The following DIAPH3 variants were observed in gnomAD, a reference collection of about 807,000 sequenced individuals.
The protein encoded by DIAPH3 is protein diaphanous homolog 3.
DIAPH3 carries 117 observed loss-of-function variants against 144.3 expected under a neutral mutation model. The ratio of observed to expected loss-of-function variants is 0.81; its 90% CI spans 0.70 to 0.95. The LOEUF is 0.95. DIAPH3 is among the 40% of genes least tolerant of loss of function. The probability of loss-of-function intolerance (pLI) is 0.00; values close to 1 mark genes in which losing one functional copy is unlikely to be tolerated. For missense variants in DIAPH3, 1,421 were observed against 1,412.7 expected, an observed-to-expected ratio of 1.01 and a Z score of -0.09; for synonymous variants, 519 against 488.9, an observed-to-expected ratio of 1.06 and a Z score of -0.81.
intron 20 of DIAPH3, among the ~76,000 whole-genome samples, chr13:59,910,868 C>T (rs901609039): frequency 1.1e-4 from 16 of 146,690 alleles, no homozygotes; most frequent in East Asian, 8.0e-4. Context: ...GAGTAGAATG[C>T]GTTTATGAAG....
At chr13:59,846,056 T>A (rs1349876726) in intron 22 of DIAPH3, among the ~76,000 whole-genome samples, 1 of 152,202 alleles carries the variant, frequency 6.6e-6, no homozygotes, top group Admixed American at 6.5e-5. Context: ...AAGTGTCTTA[T>A]TATTATGATA....
intron 1 of DIAPH3, among the ~76,000 whole-genome samples, chr13:60,159,276 A>C (rs1952174434): frequency 6.6e-6 from 1 of 152,200 alleles, no homozygotes; most frequent in Non-Finnish European, 1.5e-5. Context: ...GAAAAGAAGC[A>C]GTAAAGATTA....
At chr13:59,910,917 C>A (rs2046967610) in intron 20 of DIAPH3, among the ~76,000 whole-genome samples, 4 of 150,678 alleles carry the variant, frequency 2.7e-5, no homozygotes, top group South Asian at 2.1e-4. Flanking sequence ...CTACAACATG[C>A]CAAAATATGA....
intron 5 of DIAPH3, among the ~76,000 whole-genome samples, chr13:60,036,868 G>A (rs1300306159): frequency 6.6e-6 from 1 of 151,760 alleles, no homozygotes; most frequent in Non-Finnish European, 1.5e-5. Flanking sequence ...AGAGCAAGAT[G>A]GTCTAACATA....
chr13:59,687,395 T>C (rs2033273594), intron 27 of DIAPH3, among the ~76,000 whole-genome samples: 1 of 151,950 alleles, frequency 6.6e-6, no homozygotes, highest in African/African-American at 2.4e-5. Context: ...TAAGAGGGAA[T>C]TATAGCTGAT....
chr13:59,899,575 GAAATACCA>G (rs2046320494), intron 20 of DIAPH3, among the ~76,000 whole-genome samples: 1 of 152,170 alleles, frequency 6.6e-6, no homozygotes, highest in Admixed American at 6.5e-5. Context: ...GATGAGGTAA[GAAATACCA>G]AGGCAGGGAC....
At chr13:60,138,754 GGAAGGA>G (rs71773510) in intron 1 of DIAPH3, among the ~76,000 whole-genome samples, 8,237 of 121,412 alleles carry the variant, frequency 0.068, 1,028 homozygotes, top group African/African-American at 0.21. Flanking sequence ...CTAACAGGAA[GGAAGGA>G]GAAGGAGAAG....
intron 17 of DIAPH3, among the ~76,000 whole-genome samples, chr13:59,956,362 T>G (rs1047404141): frequency 6.6e-6 from 1 of 152,162 alleles, no homozygotes; most frequent in African/African-American, 2.4e-5. Flanking sequence ...TGGTGCCCTG[T>G]GTCCCAGCTG....
chr13:59,868,567 G>A (rs913709014), intron 21 of DIAPH3, among the ~76,000 whole-genome samples: 4 of 152,046 alleles, frequency 2.6e-5, no homozygotes, highest in South Asian at 2.1e-4. Context: ...GTATTGACAC[G>A]TTATTGTTAA....
chr13:59,677,167 T>C (rs555326363), intron 27 of DIAPH3, among the ~76,000 whole-genome samples: 2 of 152,240 alleles, frequency 1.3e-5, no homozygotes, highest in South Asian at 4.1e-4. Flanking sequence ...AAGCATGGCA[T>C]GATTTTATTA....
At chr13:59,745,027 C>T (rs1010764355) in intron 27 of DIAPH3, among the ~76,000 whole-genome samples, 1 of 152,138 alleles carries the variant, frequency 6.6e-6, no homozygotes, top group East Asian at 1.9e-4. Context: ...AGACTTGGAA[C>T]CTTTTTTGTT....
Position 59,969,993 on chromosome 13 carries a change from G to A in DIAPH3, c.2025C>T (p.Asn675=), listed in dbSNP as rs757167062. ...TCTCAAGTTTACAAAGCAAATCCACGTTTTCATACTTATTTTCATTTACTT... is the reference window on the plus strand; with the variant it reads ...TCTCAAGTTTACAAAGCAAATCCACATTTTCATACTTATTTTCATTTACTT... ...WIKVNENKYE[N]VDLLCKLENT... The change falls in exon 17 of 28, where the codon AAC becomes AAT. Residue 675 remains asparagine, a synonymous_variant. Coordinates refer to ENST00000400324, the MANE Select transcript of DIAPH3 (RefSeq NM_001042517.2). 13 of 1,608,808 alleles carry A rather than the reference G, an allele frequency of 8.1e-6. No homozygotes were observed. Among genetic ancestry groups the A allele is most frequent in the East Asian group, 6.7e-5 (3 of 44,458 alleles).
chr13:59,733,067 C>T (rs926572723), intron 27 of DIAPH3, among the ~76,000 whole-genome samples: 9 of 151,912 alleles, frequency 5.9e-5, no homozygotes, highest in African/African-American at 1.9e-4. Flanking sequence ...TAAAAAAGTT[C>T]GAAAGCCACT....
At chr13:59,757,440 A>G (rs924770840) in intron 27 of DIAPH3, among the ~76,000 whole-genome samples, 15 of 113,786 alleles carry the variant, frequency 1.3e-4, no homozygotes, top group Non-Finnish European at 1.8e-4. Flanking sequence ...TTGCTCTGTC[A>G]CCCAGGCTGG....
At chr13:59,712,499 G>A (rs911790525) in intron 27 of DIAPH3, among the ~76,000 whole-genome samples, 2 of 152,070 alleles carry the variant, frequency 1.3e-5, no homozygotes, top group Non-Finnish European at 2.9e-5. Flanking sequence ...CTCTTATCTG[G>A]ATTACAGCAA....
intron 4 of DIAPH3, among the ~76,000 whole-genome samples, chr13:60,049,379 G>A (rs1004030636): frequency 6.6e-6 from 1 of 152,160 alleles, no homozygotes. Context: ...ACTAGCTAAC[G>A]ATAATTACTT....
chr13:59,770,698 C>G (rs2038076497), intron 27 of DIAPH3, among the ~76,000 whole-genome samples: 1 of 152,150 alleles, frequency 6.6e-6, no homozygotes, highest in African/African-American at 2.4e-5. Flanking sequence ...CAGCTCTAAA[C>G]TGTCCTCATG....
intron 27 of DIAPH3, among the ~76,000 whole-genome samples, chr13:59,679,984 AT>A: frequency 6.6e-6 from 1 of 152,310 alleles, no homozygotes; most frequent in East Asian, 1.9e-4. Context: ...ATCATAGTAA[AT>A]GTAGCATCTG....
At chr13:59,742,352 C>T (rs776009349) in intron 27 of DIAPH3, among the ~76,000 whole-genome samples, 49 of 152,090 alleles carry the variant, frequency 3.2e-4, no homozygotes, top group Non-Finnish European at 5.6e-4. Context: ...TATTTTTATG[C>T]TTAGGTTTGA....
Sources: allele counts gnomAD v4.1 joint callset (sites outside exome capture counted in the v4.1 genomes callset), GRCh38; gene constraint gnomAD v4.1.1; transcripts MANE v1.5; gene names NCBI Gene and HGNC (gene_info 2026-07-23, HGNC 2026-07-21).